The following PCDHGA3 variants were observed in gnomAD, a reference collection of about 807,000 sequenced individuals.
PCDHGA3 encodes protocadherin gamma subfamily A, 3.
In PCDHGA3, 40 loss-of-function variants were observed where a neutral mutation model predicts 58.5. The ratio of observed to expected loss-of-function variants is 0.68; its 90% CI spans 0.53 to 0.89. PCDHGA3 has a LOEUF of 0.89. PCDHGA3 is among the 40% of genes least tolerant of loss of function. PCDHGA3 has a pLI of 0.00. For synonymous variants in PCDHGA3, 530 were observed against 525.7 expected (o/e 1.01, Z -0.11); for missense variants, 1,223 against 1,195.9 (o/e 1.02, Z -0.33).
chr5:141,374,242 A>G (rs1181789478), intron 1 of PCDHGA3: 2 of 1,613,868 alleles, frequency 1.2e-6, no homozygotes, highest in Admixed American at 3.3e-5. Context: ...AGGATCTGGG[A>G]CTGGAGCCCC....
At position 141,431,667 on chromosome 5, in the gene PCDHGA3, C is replaced by T. The variant is rs759257105; in HGVS notation, c.2425-63140C>T. ...GATTGTAATTCAGGGACAATATCAA[C>T]AATAGGGGAGTTGGACCACGAGGAG... On this transcript the variant is annotated intron_variant, in intron 1 of 3. Coordinates refer to ENST00000253812, the MANE Select transcript of PCDHGA3 (RefSeq NM_018916.4). This position sits in a 1 kb window ranked among gnomAD's most constrained non-coding sequence, Gnocchi z 4.8. 1 of 1,614,226 alleles carries T rather than the reference C, an allele frequency of 6.2e-7. No individual in the cohort carries two copies. The highest frequency in any genetic ancestry group is 1.3e-5 in the African/African-American group (1 of 75,072).
intron 1 of PCDHGA3, among the ~76,000 whole-genome samples, chr5:141,358,101 A>C (rs1048505594): frequency 6.6e-6 from 1 of 152,166 alleles, no homozygotes; most frequent in African/African-American, 2.4e-5. Context: ...GAGGCATGAG[A>C]ATTGCTTGAA....
At chr5:141,462,415 C>G (rs998182982) in intron 1 of PCDHGA3, among the ~76,000 whole-genome samples, 2 of 152,092 alleles carry the variant, frequency 1.3e-5, no homozygotes, top group Non-Finnish European at 2.9e-5. Context: ...AGAATATGGT[C>G]TATCTTGGTG....
chr5:141,397,491 A>G (rs1462298713), intron 1 of PCDHGA3, among the ~76,000 whole-genome samples: 1 of 152,230 alleles, frequency 6.6e-6, no homozygotes, highest in Non-Finnish European at 1.5e-5. Flanking sequence ...AAATGAACAG[A>G]AGAATGATAA....
intron 1 of PCDHGA3, chr5:141,375,628 C>T (rs1771676563): frequency 1.4e-5 from 23 of 1,614,200 alleles, no homozygotes; most frequent in Non-Finnish European, 1.8e-5. Flanking sequence ...GGATTCTGTA[C>T]GCCCTGCGCT....
chr5:141,480,710 T>C (rs1174000425), intron 1 of PCDHGA3, among the ~76,000 whole-genome samples: 1 of 152,042 alleles, frequency 6.6e-6, no homozygotes, highest in East Asian at 1.9e-4. Context: ...CCCCGACAAA[T>C]GAAAGCACAG....
intron 1 of PCDHGA3, among the ~76,000 whole-genome samples, chr5:141,467,304 C>T (rs567912553): frequency 2.0e-5 from 3 of 152,266 alleles, no homozygotes; most frequent in Admixed American, 6.5e-5. Flanking sequence ...CCACTCACCT[C>T]GGCCTCCCAC....
chr5:141,489,375 G>T lies in PCDHGA3; in HGVS notation c.2425-5432G>T. 6.2e-7 allele frequency: 1 copy of T among 1,613,826 alleles called. No homozygotes were observed. Among genetic ancestry groups the T allele is most frequent in the Non-Finnish European group, 8.5e-7 (1 of 1,179,724 alleles). On this transcript the variant is annotated intron_variant, in intron 1 of 3. Transcript: ENST00000253812. This position sits in a 1 kb window ranked among gnomAD's most constrained non-coding sequence, Gnocchi z 4.5. ...AGGAGTCTGAGCCGGGGACGCTGGT[G>T]GGGAATGTTGCTCAGGATCTGGGCT...
chr5:141,487,196 G>A lies in PCDHGA3; in HGVS notation c.2425-7611G>A. On this transcript the variant is annotated intron_variant, in intron 1 of 3. Coordinates refer to ENST00000253812, the MANE Select transcript of PCDHGA3 (RefSeq NM_018916.4). This position sits in a 1 kb window ranked among gnomAD's most constrained non-coding sequence, Gnocchi z 5.0. Reference sequence around the variant, plus strand: ...GGAAGACACTCATCCAGTTGTCCCAGATCTTCGAGAATCTTCAGCTCCAAG... The same window carrying A: ...GGAAGACACTCATCCAGTTGTCCCAAATCTTCGAGAATCTTCAGCTCCAAG... The A allele has an allele frequency of 1.2e-6, 2 of 1,613,878 alleles. No homozygotes were observed. The highest frequency in any genetic ancestry group is 8.5e-7 in the Non-Finnish European group (1 of 1,179,796).
chr5:141,375,967 G>T, intron 1 of PCDHGA3: 2 of 1,613,372 alleles, frequency 1.2e-6, no homozygotes, highest in East Asian at 2.2e-5. Flanking sequence ...AGGTGCGCAC[G>T]GCGCGCGCCC....
chr5:141,379,889 CTTTTTTTTTTT>C (rs70988800), intron 1 of PCDHGA3, among the ~76,000 whole-genome samples: 218 of 50,846 alleles, frequency 4.3e-3, no homozygotes, highest in African/African-American at 5.5e-3. Flanking sequence ...GTGAAAGCCT[CTTTTTTTTTTT>C]TTTTTTTTTT....
At chr5:141,462,905 T>G (rs542357408) in intron 1 of PCDHGA3, among the ~76,000 whole-genome samples, 265 of 152,356 alleles carry the variant, frequency 1.7e-3, no homozygotes, top group Non-Finnish European at 3.1e-3. Flanking sequence ...AAGGCTATTA[T>G]GTTTTTTGCA....
chr5:141,349,561 A>T (rs139940732), intron 1 of PCDHGA3, among the ~76,000 whole-genome samples: 287 of 152,332 alleles, frequency 1.9e-3, no homozygotes, highest in African/African-American at 5.0e-3. Context: ...ATAACATAAT[A>T]GTAAGGCTGT....
chr5:141,393,450 A>G, intron 1 of PCDHGA3: 1 of 1,614,028 alleles, frequency 6.2e-7, no homozygotes, highest in Non-Finnish European at 8.5e-7. Context: ...CCTGGTCCTC[A>G]CGGCCTCGGA....
At chr5:141,376,199 G>T in intron 1 of PCDHGA3, 3 of 1,614,162 alleles carry the variant, frequency 1.9e-6, no homozygotes, top group Non-Finnish European at 2.5e-6. Flanking sequence ...CGTCTTCCTG[G>T]CCTTCGTCAT....
chr5:141,375,601 CAT>C, intron 1 of PCDHGA3: 4 of 1,614,206 alleles, frequency 2.5e-6, no homozygotes, highest in Non-Finnish European at 3.4e-6. Context: ...CCTACGTGTC[CAT>C]CAACTCCGAC....
At chr5:141,405,488 C>T (rs781076927) in intron 1 of PCDHGA3, 5 of 895,936 alleles carry the variant, frequency 5.6e-6, no homozygotes, top group Middle Eastern at 2.9e-4. Context: ...GGTGTGATCT[C>T]GGCTCATTGC....
At position 141,477,263 on chromosome 5, in the gene PCDHGA3, G is replaced by C. The variant is rs543767777; in HGVS notation, c.2425-17544G>C. ...CAGTGTGACTGACCTGGATGCTGGC[G>C]AGAACGGGCTGGTGACCTGCGAAGT... On this transcript the variant is annotated intron_variant, in intron 1 of 3. Coordinates refer to ENST00000253812, the MANE Select transcript of PCDHGA3 (RefSeq NM_018916.4). The surrounding 1 kb of genome is among the most constrained non-coding windows in gnomAD (Gnocchi z 4.9). The C allele has an allele frequency of 6.2e-7, 1 of 1,614,192 alleles. No individual in the cohort carries two copies. The highest frequency in any genetic ancestry group is 1.3e-5 in the African/African-American group (1 of 75,058).
At chr5:141,435,008 A>G (rs961813777) in intron 1 of PCDHGA3, among the ~76,000 whole-genome samples, 3 of 152,130 alleles carry the variant, frequency 2.0e-5, no homozygotes, top group African/African-American at 7.2e-5. Context: ...GAATTTATCA[A>G]TGATAATGCT....
Sources: allele counts gnomAD v4.1 joint callset (sites outside exome capture counted in the v4.1 genomes callset), GRCh38; gene constraint gnomAD v4.1.1; non-coding constraint Gnocchi (gnomAD v3.1); transcripts MANE v1.5; gene names NCBI Gene and HGNC (gene_info 2026-07-23, HGNC 2026-07-21).